ESR1: variants seen among roughly 807,000 people sequenced by gnomAD.
The protein encoded by ESR1 is estrogen receptor.
A neutral mutation model predicts 52.7 loss-of-function variants in ESR1; 12 were observed. That is an observed-to-expected ratio of 0.23 (90% CI 0.15 to 0.37). The LOEUF (loss-of-function observed/expected upper bound fraction) is 0.37. Among genes scored for constraint, ESR1 ranks in the 10% least tolerant of loss-of-function variants. The probability of loss-of-function intolerance (pLI) is 1.00; values close to 1 mark genes in which losing one functional copy is unlikely to be tolerated. For synonymous variants in ESR1, 305 were observed against 316.8 expected, an observed-to-expected ratio of 0.96 and a Z score of 0.39; for missense variants, 584 against 779.7, an observed-to-expected ratio of 0.75 and a Z score of 2.99.
intron 3 of ESR1, among the ~76,000 whole-genome samples, chr6:151,883,550 G>A (rs779270362): frequency 2.0e-5 from 3 of 151,950 alleles, no homozygotes; most frequent in South Asian, 4.2e-4. Context: ...GTTGGATTAG[G>A]AGTCCACCCT....
intron 5 of ESR1, among the ~76,000 whole-genome samples, chr6:152,017,486 G>A (rs1188444366): frequency 6.6e-6 from 1 of 152,146 alleles, no homozygotes; most frequent in East Asian, 1.9e-4. Flanking sequence ...GTCCATGTGT[G>A]TGTATATTTT....
intron 3 of ESR1, among the ~76,000 whole-genome samples, chr6:151,935,755 A>T (rs560085547): frequency 6.6e-6 from 1 of 152,340 alleles, no homozygotes; most frequent in South Asian, 2.1e-4. Context: ...TCCAAAAAAC[A>T]TCCTACAAAG....
chr6:151,732,157 C>T (rs1199434900), intron 2 of ESR1, among the ~76,000 whole-genome samples: 34 of 152,152 alleles, frequency 2.2e-4, no homozygotes, highest in Admixed American at 1.6e-3. Context: ...GAAAGCCATG[C>T]TTCTTTTCTC....
chr6:151,751,440 A>G (rs970316682), intron 2 of ESR1, among the ~76,000 whole-genome samples: 1 of 152,196 alleles, frequency 6.6e-6, no homozygotes, highest in Non-Finnish European at 1.5e-5. Flanking sequence ...CATAGAACGC[A>G]TGTAATGCTG....
intron 3 of ESR1, among the ~76,000 whole-genome samples, chr6:151,934,079 T>C (rs2034058303): frequency 6.6e-6 from 1 of 152,210 alleles, no homozygotes; most frequent in Admixed American, 6.5e-5. Context: ...CCCTGTGGGA[T>C]TGGCCTCCCT....
intron 2 of ESR1, among the ~76,000 whole-genome samples, chr6:151,785,881 G>T (rs530608299): frequency 6.6e-6 from 1 of 152,326 alleles, no homozygotes; most frequent in East Asian, 1.9e-4. Context: ...TGTGTGTTGA[G>T]TGTGAAGGAG....
chr6:152,084,922 C>T (rs1562769743), intron 6 of ESR1, among the ~76,000 whole-genome samples: 1 of 152,138 alleles, frequency 6.6e-6, no homozygotes, highest in Admixed American at 6.6e-5. Flanking sequence ...CTAAAGGTCT[C>T]CTATGAAAAC....
At chr6:151,662,914 AC>A (rs1227051653) in intron 1 of ESR1, among the ~76,000 whole-genome samples, 5 of 152,232 alleles carry the variant, frequency 3.3e-5, no homozygotes, top group African/African-American at 1.2e-4. Context: ...AAATTAAGTC[AC>A]TGTTTATTCT....
chr6:152,007,104 A>G (rs2042393182), intron 4 of ESR1, among the ~76,000 whole-genome samples: 1 of 152,012 alleles, frequency 6.6e-6, no homozygotes, highest in South Asian at 2.1e-4. Context: ...TTGCTTGGAG[A>G]TCTCTGCACA....
chr6:151,793,262 A>G (rs1048139452), intron 2 of ESR1, among the ~76,000 whole-genome samples: 4 of 152,062 alleles, frequency 2.6e-5, no homozygotes, highest in African/African-American at 9.7e-5. Context: ...AGGATCATCA[A>G]TGTCACTGTC....
At chr6:151,920,511 G>A (rs2031418014) in intron 3 of ESR1, among the ~76,000 whole-genome samples, 1 of 152,014 alleles carries the variant, frequency 6.6e-6, no homozygotes, top group South Asian at 2.1e-4. Flanking sequence ...GATTTTCTAA[G>A]TTTTCCTCTA....
intron 2 of ESR1, among the ~76,000 whole-genome samples, chr6:151,744,383 T>C (rs1783330382): frequency 2.0e-5 from 3 of 152,216 alleles, no homozygotes; most frequent in Non-Finnish European, 2.9e-5. Context: ...CTCACCGACA[T>C]TTGTTATTGT....
intron 4 of ESR1, among the ~76,000 whole-genome samples, chr6:151,979,378 A>G (rs187955515): frequency 1.3e-3 from 199 of 152,270 alleles, no homozygotes; most frequent in African/African-American, 4.4e-3. Context: ...ATTATCCTAA[A>G]ATGATTTTAG....
At chr6:152,081,910 C>T (rs2049257163) in intron 6 of ESR1, among the ~76,000 whole-genome samples, 1 of 152,134 alleles carries the variant, frequency 6.6e-6, no homozygotes, top group Non-Finnish European at 1.5e-5. Flanking sequence ...ATACACCCTC[C>T]CAAGACTCAA....
rs12203349 is a variant in ESR1 at position 151,820,346 on chromosome 6, A to G, written c.452+11982A>G. ...GGGTAAACTGTTAAGAATCAGAGAA[A>G]TAACTTAAAGAACACTGATAGCTAG... On this transcript the variant is annotated intron_variant, in intron 1 of 7. Transcript: ENST00000206249. Among the ~76,000 whole-genome samples, 22 of 152,344 alleles carry G rather than the reference A, an allele frequency of 1.4e-4. No homozygotes were observed. The South Asian group carries it at 1.7e-3, about 11-fold the overall frequency.
intron 2 of ESR1, among the ~76,000 whole-genome samples, chr6:151,760,230 C>T (rs868108300): frequency 1.3e-5 from 2 of 152,152 alleles, no homozygotes; most frequent in South Asian, 4.1e-4. Flanking sequence ...GTCACTTTAA[C>T]CTCCCTTGGG....
intron 2 of ESR1, among the ~76,000 whole-genome samples, chr6:151,792,007 T>G (rs895114610): frequency 6.6e-6 from 1 of 152,230 alleles, no homozygotes; most frequent in Non-Finnish European, 1.5e-5. Context: ...CAAGTATACT[T>G]ATGCCAACCT....
rs558017231 is a variant in ESR1 at position 151,793,198 on chromosome 6, T to G, written c.-70-14645T>G. Among the ~76,000 whole-genome samples the G allele has an allele frequency of 1.7e-4, 26 of 152,100 alleles. No individual in the cohort carries two copies. The South Asian group carries it at 5.4e-3, about 32-fold the overall frequency. ...AAAAAAAAAAAAAAGTTTTAAACCT[T>G]TTTAAAAAATCAAAGTCACAGACAC... On this transcript the variant is annotated intron_variant, in intron 2 of 2. Coordinates refer to the ESR1 transcript ENST00000404742.
chr6:151,692,821 C>T (rs556707403), intron 1 of ESR1, among the ~76,000 whole-genome samples: 46 of 152,300 alleles, frequency 3.0e-4, no homozygotes, highest in African/African-American at 1.0e-3. Context: ...AGGCGTATAA[C>T]ATTTTTCTCT....
Sources: gnomAD v4.1 joint callset for allele counts (sites outside exome capture counted in the v4.1 genomes callset) on GRCh38, gnomAD v4.1.1 for gene constraint, MANE v1.5 for transcripts, NCBI Gene and HGNC (gene_info 2026-07-23, HGNC 2026-07-21) for gene names.